MTUS2: variants seen among roughly 807,000 people sequenced by gnomAD.
MTUS2 encodes microtubule associated scaffold protein 2.
A neutral mutation model predicts 114.1 loss-of-function variants in MTUS2; 40 were observed. The ratio of observed to expected loss-of-function variants is 0.35; its 90% CI spans 0.27 to 0.46. MTUS2 has a LOEUF of 0.46. Among genes scored for constraint, MTUS2 ranks in the 20% least tolerant of loss-of-function variants. The probability of loss-of-function intolerance (pLI) is 1.00; values close to 1 mark genes in which losing one functional copy is unlikely to be tolerated. For missense variants in MTUS2, 1,679 were observed against 1,705.4 expected, an observed-to-expected ratio of 0.98 and a Z score of 0.27; for synonymous variants, 688 against 672.0, an observed-to-expected ratio of 1.02 and a Z score of -0.37.
intron 6 of MTUS2, among the ~76,000 whole-genome samples, chr13:29,309,522 A>G (rs1470173914): frequency 6.6e-6 from 1 of 152,002 alleles, no homozygotes; most frequent in Non-Finnish European, 1.5e-5. Context: ...GCAGCAAACC[A>G]CCATGGCATA....
At chr13:29,486,323 G>T (rs1348745970) in intron 10 of MTUS2, among the ~76,000 whole-genome samples, 1 of 152,226 alleles carries the variant, frequency 6.6e-6, no homozygotes, top group Non-Finnish European at 1.5e-5. Flanking sequence ...TTTACCATAA[G>T]AGAGAGAAGT....
intron 7 of MTUS2, among the ~76,000 whole-genome samples, chr13:29,344,990 T>A (rs1868524894): frequency 6.6e-6 from 1 of 152,202 alleles, no homozygotes; most frequent in Non-Finnish European, 1.5e-5. Context: ...AGGACCCCAA[T>A]CCCTTCTGGC....
intron 12 of MTUS2, among the ~76,000 whole-genome samples, chr13:29,493,697 A>G (rs1445662050): frequency 6.6e-6 from 1 of 152,172 alleles, no homozygotes; most frequent in Non-Finnish European, 1.5e-5. Flanking sequence ...GCCGTTGGCC[A>G]ATGAACCCCA....
At chr13:29,098,563 A>G (rs934438857) in intron 4 of MTUS2, among the ~76,000 whole-genome samples, 3 of 152,146 alleles carry the variant, frequency 2.0e-5, no homozygotes, top group East Asian at 1.9e-4. Flanking sequence ...CTAGAAAACA[A>G]TTTAGAGACT....
chr13:29,008,928 ATTC>A (rs772232353), intron 2 of MTUS2, among the ~76,000 whole-genome samples: 77 of 148,362 alleles, frequency 5.2e-4, no homozygotes, highest in Non-Finnish European at 9.6e-4. Flanking sequence ...TGTTTTCTCC[ATTC>A]TTCTTCTTCT....
chr13:29,155,824 G>A (rs1892836119), intron 5 of MTUS2, among the ~76,000 whole-genome samples: 1 of 151,692 alleles, frequency 6.6e-6, no homozygotes, highest in South Asian at 2.1e-4. Context: ...ATACACACAT[G>A]TCTCTGATTG....
intron 5 of MTUS2, among the ~76,000 whole-genome samples, chr13:29,118,157 T>A (rs1200158028): frequency 6.6e-6 from 1 of 152,022 alleles, no homozygotes; most frequent in Admixed American, 6.6e-5. Flanking sequence ...GTCCTGTGTA[T>A]CTCTTGGGCT....
chr13:29,081,644 A>G (rs886697737), intron 4 of MTUS2, among the ~76,000 whole-genome samples: 3 of 151,952 alleles, frequency 2.0e-5, no homozygotes, highest in South Asian at 2.1e-4. Context: ...GCACCAACCT[A>G]ATAGATAAGG....
chr13:29,224,917 A>T (rs889860052), intron 5 of MTUS2, among the ~76,000 whole-genome samples: 1 of 152,172 alleles, frequency 6.6e-6, no homozygotes, highest in Admixed American at 6.5e-5. Context: ...TCCAATGATG[A>T]TATTATTACT....
rs146476499 is a variant in MTUS2, at chr13:29,307,351, T to A, written c.2807-17262T>A. ...CACCCAGAAGACTGTGGATGGACCA[T>A]CCAGGAGACTGTGGTGTGATAGCCA... is the stretch of plus-strand genomic sequence containing the variant. On this transcript the variant is annotated intron_variant, in intron 6 of 15. Coordinates refer to ENST00000612955, the MANE Select transcript of MTUS2 (RefSeq NM_001033602.4). 1.7e-3 allele frequency: 1,224 copies of A among 734,988 alleles called. 9 individuals are homozygous for A. In the African/African-American group the frequency reaches 0.018, roughly 11 times the overall value. The allele number at this position is 734,988 out of a possible 1,614,324, so 45.5% of individuals were successfully genotyped here.
intron 5 of MTUS2, among the ~76,000 whole-genome samples, chr13:29,230,962 T>C (rs1327979792): frequency 6.6e-6 from 1 of 152,206 alleles, no homozygotes; most frequent in Non-Finnish European, 1.5e-5. Flanking sequence ...AGGATTTCTT[T>C]CAGTACTTTA....
intron 9 of MTUS2, among the ~76,000 whole-genome samples, chr13:29,470,634 G>A (rs957780847): frequency 1.3e-5 from 2 of 152,190 alleles, no homozygotes; most frequent in Non-Finnish European, 2.9e-5. Context: ...ATTCGTTCCT[G>A]TTATCCCGTT....
At chr13:29,204,021 A>G (rs1410530564) in intron 5 of MTUS2, among the ~76,000 whole-genome samples, 1 of 151,094 alleles carries the variant, frequency 6.6e-6, no homozygotes, top group East Asian at 1.9e-4. Context: ...GTGCAGTGGC[A>G]TGATCTTGGC....
chr13:28,976,529 G>A (rs1000343844), intron 2 of MTUS2, among the ~76,000 whole-genome samples: 4 of 152,158 alleles, frequency 2.6e-5, no homozygotes, highest in Non-Finnish European at 4.4e-5. Flanking sequence ...GAATGGAGGG[G>A]AAGGTAAGAA....
rs138783160 is a variant in MTUS2 at position 29,053,688 on chromosome 13, G to T, written c.2446+19563G>T. ...ACAGTATGTACTGTTTTTGTATCTG[G>T]TGTCTGTCACTCATCATAATGTTTT... On this transcript the variant is annotated intron_variant, in intron 4 of 15. Transcript: ENST00000612955. 1.4e-3 allele frequency among the ~76,000 whole-genome samples: 215 copies of T among 152,176 alleles called. 1 individual carries two copies. The highest frequency in any genetic ancestry group is 5.0e-3 in the African/African-American group (207 of 41,514).
chr13:29,427,309 A>G (rs1876618444), intron 8 of MTUS2, among the ~76,000 whole-genome samples: 1 of 152,164 alleles, frequency 6.6e-6, no homozygotes, highest in Non-Finnish European at 1.5e-5. Context: ...GTTTTTTTAT[A>G]AAACTTTGCT....
chr13:29,406,518 A>C (rs1034996000), intron 8 of MTUS2, among the ~76,000 whole-genome samples: 2 of 152,176 alleles, frequency 1.3e-5, no homozygotes, highest in Non-Finnish European at 2.9e-5. Flanking sequence ...CCAGCAACAG[A>C]TCAGAGGGAG....
At chr13:29,335,245 G>C (rs1037652536) in intron 7 of MTUS2, among the ~76,000 whole-genome samples, 2 of 152,174 alleles carry the variant, frequency 1.3e-5, no homozygotes, top group Non-Finnish European at 1.5e-5. Context: ...TACGGTCGTA[G>C]ATAAGGGATG....
intron 2 of MTUS2, among the ~76,000 whole-genome samples, chr13:28,930,969 G>C (rs79372540): frequency 6.6e-6 from 1 of 152,220 alleles, no homozygotes; most frequent in Non-Finnish European, 1.5e-5. Flanking sequence ...TAGAATAGTG[G>C]AGTGGGCAGA....
Sources: gnomAD v4.1 joint callset for allele counts (sites outside exome capture counted in the v4.1 genomes callset) on GRCh38, gnomAD v4.1.1 for gene constraint, MANE v1.5 for transcripts, NCBI Gene and HGNC (gene_info 2026-07-23, HGNC 2026-07-21) for gene names.